COQ5: variants seen among roughly 807,000 people sequenced by gnomAD.
The protein encoded by COQ5 is 2-methoxy-6-polyprenyl-1,4-benzoquinol methylase, mitochondrial.
Under a neutral mutation model 40.5 loss-of-function variants are expected in COQ5, and 27 were observed. That is an observed-to-expected ratio of 0.67 (90% CI 0.49 to 0.92). The LOEUF (loss-of-function observed/expected upper bound fraction) is 0.92, where lower values mean the gene tolerates loss of function less well. Among genes scored for constraint, COQ5 ranks in the 40% least tolerant of loss-of-function variants. The probability of loss-of-function intolerance (pLI) is 0.00; values close to 1 mark genes in which losing one functional copy is unlikely to be tolerated. For missense variants in COQ5, 409 were observed against 406.4 expected (o/e 1.01, Z -0.06); for synonymous variants, 141 against 150.0 (o/e 0.94, Z 0.44).
intron 3 of COQ5, among the ~76,000 whole-genome samples, chr12:120,513,932 G>T (rs1869261614): frequency 3.3e-5 from 5 of 152,132 alleles, no homozygotes; most frequent in African/African-American, 9.7e-5. Flanking sequence ...AAACAAGGAG[G>T]AAAGATAAAT....
chr12:120,505,191 A>T (rs1868825031), intron 4 of COQ5, among the ~76,000 whole-genome samples: 1 of 152,138 alleles, frequency 6.6e-6, no homozygotes, highest in Non-Finnish European at 1.5e-5. Flanking sequence ...TGACTAGACA[A>T]AGTTAGCTGG....
intron 4 of COQ5, among the ~76,000 whole-genome samples, chr12:120,506,661 C>T (rs542761503): frequency 1.4e-5 from 2 of 139,948 alleles, no homozygotes; most frequent in Admixed American, 1.6e-4. Context: ...GCCACCACGC[C>T]CAGCCTATTT....
chr12:120,525,103 C>T lies in COQ5; in HGVS notation c.203-2740G>A, dbSNP rs139475451. Among the ~76,000 whole-genome samples, 156 of 151,188 alleles carry T rather than the reference C, an allele frequency of 1.0e-3. 1 individual carries two copies. Among genetic ancestry groups the T allele is most frequent in the African/African-American group, 3.2e-3 (132 of 41,160 alleles). ...GATCACAGGTGTGAGCCACCGTGCC[C>T]GGACTTTTGTTTTTGAGACGGCGTC... On this transcript the variant is annotated intron_variant, in intron 1 of 6. Coordinates refer to ENST00000288532, the MANE Select transcript of COQ5 (RefSeq NM_032314.4).
At chr12:120,527,941 C>G (rs1040546728) in intron 1 of COQ5, among the ~76,000 whole-genome samples, 12 of 125,746 alleles carry the variant, frequency 9.5e-5, no homozygotes, top group Non-Finnish European at 3.2e-5. Context: ...GAGCCGAGAT[C>G]GCGCCACTGC....
intron 1 of COQ5, among the ~76,000 whole-genome samples, chr12:120,525,201 G>T (rs1249513204): frequency 6.6e-6 from 1 of 152,092 alleles, no homozygotes; most frequent in Non-Finnish European, 1.5e-5. Flanking sequence ...CTAGGTTCAA[G>T]TGATTCTCCT....
chr12:120,528,224 A>AAATG (rs1870056941), intron 1 of COQ5, among the ~76,000 whole-genome samples: 1 of 151,416 alleles, frequency 6.6e-6, no homozygotes, highest in Admixed American at 6.6e-5. Flanking sequence ...ATAAATAAAT[A>AAATG]AATAAATAAA....
At chr12:120,515,339 C>T (rs1288363564) in intron 3 of COQ5, among the ~76,000 whole-genome samples, 1 of 152,212 alleles carries the variant, frequency 6.6e-6, no homozygotes, top group Admixed American at 6.5e-5. Flanking sequence ...ATCCTTCACC[C>T]TCAGCGTTCC....
At chr12:120,517,865 T>C (rs1869453190) in intron 2 of COQ5, among the ~76,000 whole-genome samples, 1 of 151,432 alleles carries the variant, frequency 6.6e-6, no homozygotes, top group Admixed American at 6.6e-5. Flanking sequence ...TGGAGTGCAA[T>C]GGCGCGATCT....
intron 3 of COQ5, among the ~76,000 whole-genome samples, chr12:120,511,864 T>C (rs552893435): frequency 2.0e-5 from 3 of 152,214 alleles, no homozygotes; most frequent in African/African-American, 7.2e-5. Context: ...GAATTCTCAA[T>C]TGGTTATTGG....
chr12:120,508,246 G>A (rs544971275), intron 4 of COQ5, among the ~76,000 whole-genome samples: 7 of 151,932 alleles, frequency 4.6e-5, no homozygotes, highest in South Asian at 4.2e-4. Flanking sequence ...TGCCCACCTC[G>A]GCCTCCTAAA....
chr12:120,504,050 G>A lies in COQ5; in HGVS notation c.802C>T (p.Pro268Ser). 6.2e-7 allele frequency: 1 copy of A among 1,610,376 alleles called. No homozygotes were observed. Among genetic ancestry groups the A allele is most frequent in the East Asian group, 2.2e-5 (1 of 44,878 alleles). Residue 268 changes from proline to serine, a missense_variant, in exon 6 of 7, where the codon CCT becomes TCT. Physicochemically the swap from Pro to Ser is moderately conservative, Grantham distance 74. Coordinates refer to ENST00000288532, the MANE Select transcript of COQ5 (RefSeq NM_032314.4). Reference protein sequence around the residue: ...LYDLYSFQVIPVLGEVIAGDW... With the variant: ...LYDLYSFQVISVLGEVIAGDW... The stretch of plus-strand genomic sequence containing the variant: ...CCAGCGATGACCTCTCCCAGGACAG[G>A]GATGACCTGGAAGCTATATAGATCA...
At chr12:120,505,059 G>C in intron 4 of COQ5, 76 bp from the exon 5 acceptor site, 1 of 1,171,732 alleles carries the variant, frequency 8.5e-7, no homozygotes, top group Non-Finnish European at 1.3e-6. Context: ...GACAGCTTTA[G>C]CTTCTGCAGG....
rs926058515 is a variant in COQ5 at position 120,522,090 on chromosome 12, A to G, written c.352+124T>C. 10 of 926,044 alleles carry G rather than the reference A, an allele frequency of 1.1e-5. No individual in the cohort carries two copies. The African/African-American group carries it at 1.1e-4, about 11-fold the overall frequency. 57.4% of individuals were successfully genotyped at this position (926,044 alleles called of 1,614,324 possible). ...TAAGTGCGTGCCTTTCTCAGAAGTTATAAGTATGCAGATTTTCAATCACCA... is the reference window on the plus strand; with the variant it reads ...TAAGTGCGTGCCTTTCTCAGAAGTTGTAAGTATGCAGATTTTCAATCACCA... On this transcript the variant is annotated intron_variant, in intron 2 of 6. Transcript: ENST00000288532.
Position 120,529,020 on chromosome 12 carries a change from C to A in COQ5, c.122G>T (p.Arg41Leu). Residue 41 changes from arginine (R) to leucine (L), a missense_variant, in exon 1 of 7, where the codon CGG becomes CTG. Coordinates refer to ENST00000288532, the MANE Select transcript of COQ5 (RefSeq NM_032314.4). ...SSWPGDLLSA[R>L]LLSQEKRAAE... ...TGCCCGCTTCTCTTGGGACAAGAGC[C>A]GAGCACTTAGTAGGTCCCCGGGCCA... 1 of 1,614,108 alleles carries A rather than the reference C, an allele frequency of 6.2e-7. No homozygotes were observed. The highest frequency in any genetic ancestry group is 8.5e-7 in the Non-Finnish European group (1 of 1,180,038).
At chr12:120,522,180 C>G in intron 2 of COQ5, 34 bp downstream of exon 2, 3 of 1,612,748 alleles carry the variant, frequency 1.9e-6, no homozygotes, top group Non-Finnish European at 2.5e-6. Context: ...AAAACATGCT[C>G]AATGGTAGTG....
At chr12:120,526,371 A>C (rs1369484523) in intron 1 of COQ5, 3 of 415,572 alleles carry the variant, frequency 7.2e-6, no homozygotes, top group Non-Finnish European at 1.4e-5. Flanking sequence ...TATAGGAGAA[A>C]TAGATGACTG....
intron 3 of COQ5, among the ~76,000 whole-genome samples, chr12:120,515,709 A>G (rs1181884737): frequency 1.3e-5 from 2 of 152,156 alleles, no homozygotes; most frequent in Non-Finnish European, 2.9e-5. Context: ...AGCCTACCCA[A>G]TAGGGACCTC....
rs1011242853 is a variant in COQ5 at position 120,503,781 on chromosome 12, G to A, written c.*3C>T. 5 of 1,608,102 alleles carry A rather than the reference G, an allele frequency of 3.1e-6. No homozygotes were observed. The East Asian group carries it at 6.7e-5, about 22-fold the overall frequency. ...TGGTTCATGCTCCATGATAGGAAAG[G>A]AATTAAAGTTTGAAGCCAGAATGAA... On this transcript the variant is annotated 3_prime_UTR_variant, in exon 7 of 7. Coordinates refer to ENST00000288532, the MANE Select transcript of COQ5 (RefSeq NM_032314.4).
rs537682378 is a variant in COQ5, at chr12:120,504,800, G to A, written c.770+95C>T. 14 of 1,070,828 alleles carry A rather than the reference G, an allele frequency of 1.3e-5. No homozygotes were observed. The African/African-American group carries it at 1.7e-4, about 13-fold the overall frequency. The allele number at this position is 1,070,828 out of a possible 1,614,324, so 66.3% of individuals were successfully genotyped here. ...GACCTCTGGTACTCTGAACTACAAA[G>A]TTCATGCTTATAGCTTACTGGCTAT... is the stretch of plus-strand genomic sequence containing the variant. On this transcript the variant is annotated intron_variant, in intron 5 of 6. Transcript: ENST00000288532.
Sources: gnomAD v4.1 joint callset for allele counts (sites outside exome capture counted in the v4.1 genomes callset) on GRCh38, gnomAD v4.1.1 for gene constraint, MANE v1.5 for transcripts, NCBI Gene and HGNC (gene_info 2026-07-23, HGNC 2026-07-21) for gene names.